MSTO1: variants seen among roughly 807,000 people sequenced by gnomAD.
MSTO1 encodes protein misato homolog 1.
In MSTO1, 24 loss-of-function variants were observed where a neutral mutation model predicts 55.7. The ratio of observed to expected loss-of-function variants is 0.43; its 90% CI spans 0.31 to 0.61. The LOEUF is 0.61. Among genes scored for constraint, MSTO1 ranks in the 20% least tolerant of loss-of-function variants. The pLI, the probability that MSTO1 is intolerant of heterozygous loss-of-function variation, is 0.09. For synonymous variants in MSTO1, 162 were observed against 252.8 expected, an observed-to-expected ratio of 0.64 and a Z score of 3.41; for missense variants, 363 against 625.7, an observed-to-expected ratio of 0.58 and a Z score of 4.48.
chr1:155,609,217 G>GTATATA (rs777579171), upstream of MSTO1, among the ~76,000 whole-genome samples: 248 of 84,510 alleles, frequency 2.9e-3, 9 homozygotes, highest in Middle Eastern at 8.5e-3. Flanking sequence ...ATTATCAGCA[G>GTATATA]TATATATATA....
At chr1:155,585,178 G>A in the MSTO1 span, among the ~76,000 whole-genome samples, 79 of 152,218 alleles carry the variant, frequency 5.2e-4, no homozygotes, top group Non-Finnish European at 1.0e-3. Context: ...CTAACTATTC[G>A]GTTAAATGGG....
chr1:155,612,465 C>G lies in MSTO1; in HGVS notation c.861C>G (p.Leu287=), dbSNP rs777399476. The G allele has an allele frequency of 1.2e-6, 2 of 1,614,072 alleles. No homozygotes were observed. Among genetic ancestry groups the G allele is most frequent in the Non-Finnish European group, 1.7e-6 (2 of 1,179,984 alleles). Reference sequence around the variant, plus strand: ...GTCTATTAAACACAGCTTTTGGTCTCGTGCACCTGACTGCTCACAGCTCTC... The same window carrying G: ...GTCTATTAAACACAGCTTTTGGTCTGGTGCACCTGACTGCTCACAGCTCTC... ...IYRLLNTAFG[L]VHLTAHSSLV... Residue 287 remains leucine, a synonymous_variant, in exon 9 of 14, where the codon CTC becomes CTG. Coordinates refer to ENST00000245564, the MANE Select transcript of MSTO1 (RefSeq NM_018116.4).
chr1:155,606,198 CTTTTTT>C (rs747681932), upstream of MSTO1, among the ~76,000 whole-genome samples: 28 of 28,102 alleles, frequency 1.0e-3, no homozygotes, highest in Admixed American at 1.7e-3. Flanking sequence ...CATGCCCAGC[CTTTTTT>C]TTTTTTTTTT....
At chr1:155,586,850 C>A in the MSTO1 span, 2 of 260,716 alleles carry the variant, frequency 7.7e-6, no homozygotes, top group Non-Finnish European at 1.6e-5. Context: ...CAGGTTCAAG[C>A]AATTCTCATG....
chr1:155,581,303 G>A, the MSTO1 span, among the ~76,000 whole-genome samples: 2 of 152,132 alleles, frequency 1.3e-5, no homozygotes, highest in Non-Finnish European at 2.9e-5. Flanking sequence ...GTTGGAAGCA[G>A]AACTCTTTTG....
chr1:155,613,347 GAAAA>G, intron 11 of MSTO1, 111 bp from the exon 12 acceptor site: 1 of 1,414,822 alleles, frequency 7.1e-7, no homozygotes, highest in Non-Finnish European at 9.6e-7. Context: ...CCTTAAAAAG[GAAAA>G]AAAAAAGGGC....
At chr1:155,584,951 T>G in the MSTO1 span, among the ~76,000 whole-genome samples, 1 of 150,622 alleles carries the variant, frequency 6.6e-6, no homozygotes. Context: ...TTTGTGGAGG[T>G]GGTCTCACTG....
At chr1:155,574,731 T>TA in the MSTO1 span, among the ~76,000 whole-genome samples, 3 of 152,124 alleles carry the variant, frequency 2.0e-5, no homozygotes, top group Non-Finnish European at 4.4e-5. Flanking sequence ...TATGTTCAGC[T>TA]AATTTTTTTT....
chr1:155,580,822 T>C, the MSTO1 span, among the ~76,000 whole-genome samples: 1 of 149,264 alleles, frequency 6.7e-6, no homozygotes, highest in Non-Finnish European at 1.5e-5. Flanking sequence ...GGCAGGAGAA[T>C]TGCTTGAGCC....
At chr1:155,594,328 G>A in the MSTO1 span, among the ~76,000 whole-genome samples, 1 of 152,028 alleles carries the variant, frequency 6.6e-6, no homozygotes, top group Non-Finnish European at 1.5e-5. Context: ...TAGAACCTGG[G>A]AGAGGGAGGT....
chr1:155,599,706 A>G, the MSTO1 span, among the ~76,000 whole-genome samples: 1 of 152,186 alleles, frequency 6.6e-6, no homozygotes, highest in African/African-American at 2.4e-5. Context: ...TTCCCTTAGT[A>G]TTTATTGATC....
chr1:155,590,130 G>C, the MSTO1 span, among the ~76,000 whole-genome samples: 1 of 152,068 alleles, frequency 6.6e-6, no homozygotes, highest in Non-Finnish European at 1.5e-5. Flanking sequence ...AGAAGTTCCG[G>C]AGGTAGGCAG....
At chr1:155,592,110 T>C in the MSTO1 span, among the ~76,000 whole-genome samples, 13 of 152,368 alleles carry the variant, frequency 8.5e-5, no homozygotes, top group African/African-American at 2.9e-4. Flanking sequence ...GTTATTCAGA[T>C]TGCTATGCTG....
chr1:155,598,937 T>C, the MSTO1 span: 1 of 1,322,234 alleles, frequency 7.6e-7, no homozygotes, highest in South Asian at 1.2e-5. Flanking sequence ...CTGTCTTGTC[T>C]TCTCTCTGTT....
the MSTO1 span, among the ~76,000 whole-genome samples, chr1:155,564,472 C>T: frequency 6.6e-6 from 1 of 152,076 alleles, no homozygotes; most frequent in African/African-American, 2.4e-5. Flanking sequence ...CCAGCCTGGG[C>T]AACAAGAGCG....
the MSTO1 span, among the ~76,000 whole-genome samples, chr1:155,597,915 C>T: frequency 2.6e-5 from 4 of 151,678 alleles, no homozygotes; most frequent in South Asian, 2.1e-4. Context: ...CTCCTGGGTT[C>T]GAGCGATTCT....
chr1:155,612,579 C>T lies in MSTO1; in HGVS notation c.966+9C>T, dbSNP rs775153083. 1.9e-6 allele frequency: 3 copies of T among 1,605,842 alleles called. No homozygotes were observed. Among genetic ancestry groups the T allele is most frequent in the East Asian group, 2.2e-5 (1 of 44,824 alleles). On this transcript the variant is annotated intron_variant, in intron 9 of 13. Coordinates refer to ENST00000245564, the MANE Select transcript of MSTO1 (RefSeq NM_018116.4). ...CTTACCTGCATTATGATGTAAGTCT[C>T]GGTGCTCTTGTTCTGACTGCGGCAG...
chr1:155,609,243 A>ATATATATATTTTTTTT (rs59756178), upstream of MSTO1, among the ~76,000 whole-genome samples: 1 of 54,590 alleles, frequency 1.8e-5, no homozygotes, highest in Non-Finnish European at 3.0e-5. Context: ...ATATATATAT[A>ATATATATATTTTTTTT]TTTTTTTTTT....
the MSTO1 span, chr1:155,590,918 G>T: frequency 6.2e-7 from 1 of 1,613,262 alleles, no homozygotes; most frequent in Non-Finnish European, 8.5e-7. Context: ...AGCACCAGGC[G>T]GGCCTTGGAA....
Sources: allele counts gnomAD v4.1 joint callset (sites outside exome capture counted in the v4.1 genomes callset), GRCh38; gene constraint gnomAD v4.1.1; transcripts MANE v1.5; gene names NCBI Gene and HGNC (gene_info 2026-07-23, HGNC 2026-07-21).